The following PROX1 variants were observed in gnomAD, a reference collection of about 807,000 sequenced individuals.
PROX1 encodes prospero homeobox protein 1.
In PROX1, 7 loss-of-function variants were observed where a neutral mutation model predicts 58.8. The observed-to-expected ratio is 0.12, with a 90% confidence interval of 0.07 to 0.22. The LOEUF is 0.22. PROX1 is among the 10% of genes least tolerant of loss of function. The pLI is 1.00. For missense variants in PROX1, 675 were observed against 927.8 expected (o/e 0.73, Z 3.54); for synonymous variants, 350 against 358.3 (o/e 0.98, Z 0.26).
chr1:213,991,511 G>T (rs961100262), intron 1 of PROX1, among the ~76,000 whole-genome samples: 1 of 152,026 alleles, frequency 6.6e-6, no homozygotes, highest in Non-Finnish European at 1.5e-5. Flanking sequence ...ATGTTCATTT[G>T]CTTTATTTTT....
intron 4 of PROX1, among the ~76,000 whole-genome samples, chr1:214,027,446 A>T (rs779975358): frequency 6.6e-6 from 1 of 152,192 alleles, no homozygotes; most frequent in African/African-American, 2.4e-5. Flanking sequence ...GTCTCTCAAG[A>T]CAATTTAACC....
intron 1 of PROX1, among the ~76,000 whole-genome samples, chr1:213,991,353 G>A (rs181004698): frequency 2.0e-5 from 3 of 152,220 alleles, no homozygotes; most frequent in African/African-American, 7.2e-5. Flanking sequence ...GGTAGTTATT[G>A]TTTCCATGAA....
chr1:213,986,042 G>T (rs1662815260), upstream of PROX1: 1 of 152,234 alleles, frequency 6.6e-6, no homozygotes, highest in East Asian at 1.9e-4. Context: ...CAGATCCCAA[G>T]TTTCCCCGCT....
intron 4 of PROX1, among the ~76,000 whole-genome samples, chr1:214,028,082 T>C (rs2102769299): frequency 6.6e-6 from 1 of 152,270 alleles, no homozygotes; most frequent in Admixed American, 6.5e-5. Flanking sequence ...TCAGTGTTCC[T>C]GAAAGCTGAA....
chr1:213,999,025 A>G (rs1433961740), intron 2 of PROX1, among the ~76,000 whole-genome samples: 2 of 152,256 alleles, frequency 1.3e-5, no homozygotes, highest in African/African-American at 4.8e-5. Context: ...CTTTTGTCCC[A>G]ACATACACAA....
intron 1 of PROX1, among the ~76,000 whole-genome samples, chr1:213,993,188 G>A (rs191978698): frequency 4.6e-5 from 7 of 152,194 alleles, no homozygotes; most frequent in Admixed American, 3.3e-4. Flanking sequence ...AATTAAAGAG[G>A]GGTTTACAGG....
intron 4 of PROX1, chr1:214,030,682 G>A (rs539397700): frequency 6.6e-6 from 1 of 152,340 alleles, no homozygotes; most frequent in Admixed American, 6.5e-5. Context: ...AAATAGGAGA[G>A]GCTGTCTTCT....
chr1:214,000,621 CT>C (rs899361230), intron 2 of PROX1, among the ~76,000 whole-genome samples: 1 of 152,172 alleles, frequency 6.6e-6, no homozygotes, highest in Non-Finnish European at 1.5e-5. Context: ...TGCTCCTATT[CT>C]TTTCCCCCCT....
chr1:214,008,419 A>G (rs540027699), intron 3 of PROX1, among the ~76,000 whole-genome samples: 65 of 139,410 alleles, frequency 4.7e-4, no homozygotes, highest in Middle Eastern at 3.6e-3. Flanking sequence ...AACAACAACA[A>G]CAACAACAAA....
intron 3 of PROX1, among the ~76,000 whole-genome samples, chr1:214,008,376 A>G (rs1663791738): frequency 6.6e-6 from 1 of 152,110 alleles, no homozygotes; most frequent in Admixed American, 6.6e-5. Context: ...TTTAGTGATC[A>G]TAAGTTCATT....
intron 2 of PROX1, among the ~76,000 whole-genome samples, chr1:214,004,934 C>A (rs2102715060): frequency 6.6e-6 from 1 of 152,312 alleles, no homozygotes; most frequent in East Asian, 1.9e-4. Flanking sequence ...CAAGATTCTG[C>A]AACTCAATTG....
intron 1 of PROX1, among the ~76,000 whole-genome samples, chr1:213,991,184 T>C (rs1054600263): frequency 6.6e-6 from 1 of 152,198 alleles, no homozygotes; most frequent in Non-Finnish European, 1.5e-5. Flanking sequence ...TGTGGCTTGA[T>C]GTGTGAGGAA....
chr1:213,998,909 A>G (rs1254045624), intron 2 of PROX1, among the ~76,000 whole-genome samples: 1 of 152,074 alleles, frequency 6.6e-6, no homozygotes, highest in Admixed American at 6.6e-5. Context: ...GTACTGATTT[A>G]TTCAGACAGC....
intron 4 of PROX1, among the ~76,000 whole-genome samples, chr1:214,031,821 CTT>C (rs1664667848): frequency 6.6e-6 from 1 of 152,114 alleles, no homozygotes; most frequent in Non-Finnish European, 1.5e-5. Context: ...GTAAAGGTCT[CTT>C]TTTCCATGGG....
Position 213,997,240 on chromosome 1 carries a change from G to A in PROX1, c.705G>A (p.Glu235=). Residue 235 remains glutamate, a synonymous_variant, in exon 2 of 5, where the codon GAG becomes GAA. Transcript: ENST00000366958. This position sits in a 1 kb window ranked among gnomAD's most constrained non-coding sequence, Gnocchi z 7.1. ...VSARKEQKRE[E]RRQLKQQLED... is the part of the protein sequence containing the mutation. ...CCCGAAAAGAACAGAAGCGAGAGGA[G>A]CGCCGACAGCTGAAACAGCAGCTGG... 2 of 1,612,960 alleles carry A rather than the reference G, an allele frequency of 1.2e-6. No individual in the cohort carries two copies. The highest frequency in any genetic ancestry group is 1.1e-5 in the South Asian group (1 of 90,982).
At chr1:214,026,360 T>C (rs1664458717) in intron 4 of PROX1, among the ~76,000 whole-genome samples, 1 of 152,166 alleles carries the variant, frequency 6.6e-6, no homozygotes, top group Non-Finnish European at 1.5e-5. Flanking sequence ...ATTTTGACAG[T>C]CTCTCATAGA....
chr1:213,998,394 A>G (rs1663367546), intron 2 of PROX1, 134 bp downstream of exon 2: 1 of 1,114,122 alleles, frequency 9.0e-7, no homozygotes, highest in African/African-American at 1.6e-5. Flanking sequence ...ATTCAAAGGA[A>G]TAGGCTTTTA....
chr1:214,001,481 C>T (rs766529789), intron 2 of PROX1, among the ~76,000 whole-genome samples: 1 of 152,116 alleles, frequency 6.6e-6, no homozygotes, highest in Non-Finnish European at 1.5e-5. Flanking sequence ...CTAGTTTAGG[C>T]CCCAAACATT....
At chr1:213,987,702 A>AGGGTGG (rs1662860793), upstream of PROX1, 7 of 9,492 alleles carry the variant, frequency 7.4e-4, no homozygotes, top group South Asian at 3.4e-3. Flanking sequence ...AAGCTGTGGC[A>AGGGTGG]GGGTGGGGGT....
Sources: gnomAD v4.1 joint callset for allele counts (sites outside exome capture counted in the v4.1 genomes callset) on GRCh38, gnomAD v4.1.1 for gene constraint, Gnocchi (gnomAD v3.1) non-coding constraint, MANE v1.5 for transcripts, NCBI Gene and HGNC (gene_info 2026-07-23, HGNC 2026-07-21) for gene names.